Variants in LDLRAD4 observed in about 807,000 individuals in gnomAD.
LDLRAD4 encodes the protein low density lipoprotein receptor class A domain containing 4.
A neutral mutation model predicts 17.0 loss-of-function variants in LDLRAD4; 5 were observed. The observed-to-expected ratio is 0.29, with a 90% CI of 0.15 to 0.62. The LOEUF is 0.62. Among genes scored for constraint, LDLRAD4 ranks in the 20% least tolerant of loss-of-function variants. The pLI, the probability that LDLRAD4 is intolerant of heterozygous loss-of-function variation, is 0.84. For synonymous variants in LDLRAD4, 168 were observed against 171.8 expected, an observed-to-expected ratio of 0.98 and a Z score of 0.17; for missense variants, 340 against 424.7, an observed-to-expected ratio of 0.80 and a Z score of 1.75.
intron 1 of LDLRAD4, among the ~76,000 whole-genome samples, chr18:13,257,444 G>T (rs962899971): frequency 2.6e-5 from 4 of 152,170 alleles, no homozygotes; most frequent in African/African-American, 7.2e-5. Context: ...CTCATCCCTG[G>T]TAGGACGTGG....
At chr18:13,483,573 G>A (rs1350428468) in intron 3 of LDLRAD4, among the ~76,000 whole-genome samples, 5 of 152,254 alleles carry the variant, frequency 3.3e-5, no homozygotes, top group African/African-American at 1.2e-4. Context: ...GCTGAGGCAT[G>A]TGGGTGCTGT....
At chr18:13,388,566 C>A (rs539424219) in intron 2 of LDLRAD4, among the ~76,000 whole-genome samples, 8 of 152,356 alleles carry the variant, frequency 5.3e-5, no homozygotes, top group African/African-American at 1.9e-4. Flanking sequence ...TGACCCTATT[C>A]TCTGGTTCCG....
chr18:13,530,567 A>T (rs1794478686), intron 3 of LDLRAD4, among the ~76,000 whole-genome samples: 1 of 152,264 alleles, frequency 6.6e-6, no homozygotes, highest in South Asian at 2.1e-4. Flanking sequence ...TGACCCAAGG[A>T]TAATCTGTCT....
intron 2 of LDLRAD4, among the ~76,000 whole-genome samples, chr18:13,422,673 G>A (rs891774944): frequency 6.6e-6 from 1 of 152,200 alleles, no homozygotes; most frequent in African/African-American, 2.4e-5. Flanking sequence ...ACTCCAGCCT[G>A]GGTGGCAGAG....
exon 6 of LDLRAD4, chr18:13,651,381 C>T (rs2043238961): frequency 6.6e-6 from 1 of 152,050 alleles, no homozygotes; most frequent in Middle Eastern, 3.4e-3. Flanking sequence ...TACAAGAAGA[C>T]CCTGTTCTTA....
chr18:13,408,981 T>C (rs1323440053), intron 2 of LDLRAD4, among the ~76,000 whole-genome samples: 1 of 152,188 alleles, frequency 6.6e-6, no homozygotes, highest in Admixed American at 6.5e-5. Context: ...TCATTTGGCT[T>C]TGTGTGCACA....
Position 13,300,561 on chromosome 18 carries a change from TC to T in LDLRAD4, c.-383+22375del, listed in dbSNP as rs2046534181. 6.6e-6 allele frequency among the ~76,000 whole-genome samples: 1 copy of T among 152,194 alleles called. No individual in the cohort carries two copies. The highest frequency in any genetic ancestry group is 2.4e-5 in the African/African-American group (1 of 41,452). ...CCCGGTAGAGATACCCGGAACCCTC[TC>T]CTTCTCCTGGCTTATTTCGGGGTGG... On this transcript the variant is annotated intron_variant, in intron 1 of 5. Transcript: ENST00000359446. This position sits in a 1 kb window ranked among gnomAD's most constrained non-coding sequence, Gnocchi z 4.2.
intron 3 of LDLRAD4, among the ~76,000 whole-genome samples, chr18:13,473,737 C>G (rs1006554663): frequency 4.1e-5 from 6 of 146,302 alleles, no homozygotes; most frequent in Non-Finnish European, 8.9e-5. Context: ...GGGGCTTATA[C>G]ACCAGATCCA....
rs536194079 is a variant in LDLRAD4 at position 13,316,156 on chromosome 18, T to C, written c.-383+37968T>C. ...CAAGAAACTTTACAAACTCCAAACA[T>C]GGCAAATACACAGAGAACCACACCT... On this transcript the variant is annotated intron_variant, in intron 1 of 5. Transcript: ENST00000359446. 8.5e-5 allele frequency among the ~76,000 whole-genome samples: 13 copies of C among 152,166 alleles called. No individual in the cohort carries two copies. In the South Asian group the frequency reaches 2.7e-3, roughly 32 times the overall value.
intron 3 of LDLRAD4, among the ~76,000 whole-genome samples, chr18:13,549,626 G>C (rs1214013258): frequency 2.0e-5 from 3 of 151,766 alleles, no homozygotes; most frequent in Non-Finnish European, 4.4e-5. Context: ...TGGCTACCAA[G>C]AGCAGAGGAC....
intron 1 of LDLRAD4, among the ~76,000 whole-genome samples, chr18:13,324,134 A>G (rs1172080425): frequency 1.4e-5 from 2 of 138,970 alleles, no homozygotes; most frequent in Admixed American, 7.1e-5. Context: ...CTTGAGTTCA[A>G]GTGTCTATTT....
At chr18:13,228,379 G>C (rs1290102475) in intron 1 of LDLRAD4, among the ~76,000 whole-genome samples, 1 of 152,156 alleles carries the variant, frequency 6.6e-6, no homozygotes, top group African/African-American at 2.4e-5. Context: ...TTGACCCAGA[G>C]GGCTTTGGGT....
At chr18:13,553,921 G>A (rs1401577036) in intron 3 of LDLRAD4, among the ~76,000 whole-genome samples, 2 of 152,158 alleles carry the variant, frequency 1.3e-5, no homozygotes, top group Admixed American at 6.5e-5. Flanking sequence ...ATTCTCATCT[G>A]TGCAGTTAAT....
At chr18:13,311,698 C>T (rs1320619523) in intron 1 of LDLRAD4, among the ~76,000 whole-genome samples, 1 of 152,186 alleles carries the variant, frequency 6.6e-6, no homozygotes, top group Non-Finnish European at 1.5e-5. Flanking sequence ...TGCCCAAAGG[C>T]CTGAGTCCGG....
chr18:13,254,536 C>T (rs2043400246), intron 1 of LDLRAD4, among the ~76,000 whole-genome samples: 2 of 152,344 alleles, frequency 1.3e-5, no homozygotes, highest in South Asian at 4.1e-4. Flanking sequence ...GCCAGCGACC[C>T]TCCATGCTTC....
intron 3 of LDLRAD4, among the ~76,000 whole-genome samples, chr18:13,480,997 TG>T (rs113708000): frequency 4.9e-4 from 74 of 152,306 alleles, no homozygotes; most frequent in African/African-American, 1.6e-3. Flanking sequence ...GCCTGATCGT[TG>T]TCTTCCTGGG....
intron 3 of LDLRAD4, among the ~76,000 whole-genome samples, chr18:13,497,352 T>A (rs1254434422): frequency 6.9e-5 from 3 of 43,180 alleles, no homozygotes; most frequent in Non-Finnish European, 2.9e-4. Context: ...AATTTGTTTG[T>A]TTTTTTTGTA....
intron 3 of LDLRAD4, among the ~76,000 whole-genome samples, chr18:13,531,987 C>T (rs2094135580): frequency 6.6e-6 from 1 of 152,072 alleles, no homozygotes; most frequent in Admixed American, 6.5e-5. Flanking sequence ...TCACACTGAC[C>T]CCCCACCACC....
intron 1 of LDLRAD4, among the ~76,000 whole-genome samples, chr18:13,306,040 A>G (rs2046893482): frequency 6.6e-6 from 1 of 152,258 alleles, no homozygotes; most frequent in Non-Finnish European, 1.5e-5. Flanking sequence ...TCAAGATAAT[A>G]GGAGAAGCAG....
Sources: gnomAD v4.1 joint callset for allele counts (sites outside exome capture counted in the v4.1 genomes callset) on GRCh38, gnomAD v4.1.1 for gene constraint, Gnocchi (gnomAD v3.1) non-coding constraint, MANE v1.5 for transcripts, NCBI Gene and HGNC (gene_info 2026-07-23, HGNC 2026-07-21) for gene names.